The following CARF variants were observed in gnomAD, a reference collection of about 807,000 sequenced individuals.
CARF encodes calcium responsive transcription factor, also known as calcium-responsive transcription factor.
CARF carries 57 observed loss-of-function variants against 82.0 expected under a neutral mutation model. That is an observed-to-expected ratio of 0.70 (90% CI 0.56 to 0.87). CARF has a LOEUF of 0.87. CARF is among the 40% of genes least tolerant of loss of function. CARF has a pLI of 0.00. For synonymous variants in CARF, 268 were observed against 290.1 expected (o/e 0.92, Z 0.77); for missense variants, 771 against 855.8 (o/e 0.90, Z 1.24).
intron 9 of CARF, among the ~76,000 whole-genome samples, chr2:202,965,720 A>G (rs922344357): frequency 4.6e-5 from 7 of 152,140 alleles, no homozygotes; most frequent in African/African-American, 1.7e-4. Context: ...TAACATTTGT[A>G]TTAGTAATTG....
At chr2:202,962,112 A>C (rs1398337559) in intron 9 of CARF, 1 of 152,236 alleles carries the variant, frequency 6.6e-6, no homozygotes, top group Non-Finnish European at 1.5e-5. Context: ...AAGATGAGAT[A>C]AATGTAACCA....
intron 5 of CARF, among the ~76,000 whole-genome samples, chr2:202,943,717 G>A (rs982882881): frequency 4.7e-5 from 7 of 150,382 alleles, no homozygotes; most frequent in Non-Finnish European, 7.4e-5. Flanking sequence ...GCCCGATCTC[G>A]GCTCACTGCA....
intron 5 of CARF, among the ~76,000 whole-genome samples, chr2:202,945,241 G>C (rs987233027): frequency 6.6e-6 from 1 of 152,116 alleles, no homozygotes; most frequent in South Asian, 2.1e-4. Context: ...GTACCTGCAC[G>C]TGCTACAGTA....
chr2:202,949,519 ATT>A (rs2058660535), intron 5 of CARF, among the ~76,000 whole-genome samples: 1 of 61,198 alleles, frequency 1.6e-5, no homozygotes, highest in African/African-American at 8.1e-5. Context: ...TTATTTATTT[ATT>A]ATTATTATTA....
chr2:202,936,427 C>G (rs908910327), intron 3 of CARF, among the ~76,000 whole-genome samples: 1 of 152,128 alleles, frequency 6.6e-6, no homozygotes, highest in Admixed American at 6.6e-5. Flanking sequence ...CCCATTAGTC[C>G]ATTATACCTT....
Position 202,987,157 on chromosome 2 carries a change from A to T in CARF, c.*3533A>T, listed in dbSNP as rs2060477638. The T allele has an allele frequency of 6.6e-6, 1 of 151,692 alleles. No homozygotes were observed. Among genetic ancestry groups the T allele is most frequent in the African/African-American group, 2.4e-5 (1 of 41,322 alleles). 9.4% of individuals were successfully genotyped at this position (151,692 alleles called of 1,614,324 possible). A position where few individuals can be genotyped will look rare whatever the true frequency, so the allele number is the denominator to read the frequency against. On this transcript the variant is annotated 3_prime_UTR_variant, in exon 17 of 17. Transcript: ENST00000438828. The stretch of plus-strand genomic sequence containing the variant: ...TGTTAGCATTACATTTTGGGGAGAC[A>T]TATATGCATTTAATACCCTGCAACT...
At chr2:202,940,523 T>A (rs568759233) in intron 3 of CARF, among the ~76,000 whole-genome samples, 122 of 152,256 alleles carry the variant, frequency 8.0e-4, no homozygotes, top group Non-Finnish European at 1.6e-3. Flanking sequence ...ATTCTTTGAT[T>A]GTTAGCTTAT....
chr2:202,950,607 G>C (rs1038206742), intron 5 of CARF, among the ~76,000 whole-genome samples: 1 of 152,120 alleles, frequency 6.6e-6, no homozygotes, highest in Admixed American at 6.6e-5. Flanking sequence ...GTACAGAGTG[G>C]TAGTTTGAAG....
At chr2:202,953,501 T>TG (rs2058866968) in intron 6 of CARF, among the ~76,000 whole-genome samples, 1 of 140,948 alleles carries the variant, frequency 7.1e-6, no homozygotes. Flanking sequence ...TTTTGTTGTT[T>TG]TTTTTTTTTT....
intron 3 of CARF, among the ~76,000 whole-genome samples, chr2:202,940,215 G>T (rs981495894): frequency 1.3e-5 from 2 of 151,660 alleles, no homozygotes; most frequent in Non-Finnish European, 2.9e-5. Flanking sequence ...TGTATTTTTA[G>T]TAGAGACAGG....
In CARF at chr2:202,963,011, C is replaced by A. The variant is rs1437399870; in HGVS notation, c.832+1585C>A. On this transcript the variant is annotated intron_variant, in intron 9 of 16. Coordinates refer to ENST00000438828, the MANE Select transcript of CARF (RefSeq NM_024744.17). The stretch of plus-strand genomic sequence containing the variant: ...GTGAATTATGCCCATTTCATCTTTA[C>A]AAGATTATCTTAAAATTGCTCTCAA... The A allele has an allele frequency of 2.0e-5, 3 of 152,182 alleles. No individual in the cohort carries two copies. In the East Asian group the frequency reaches 5.8e-4, roughly 29 times the overall value. The allele number at this position is 152,182 out of a possible 1,614,324, so 9.4% of individuals were successfully genotyped here.
chr2:202,955,744 C>T lies in CARF; in HGVS notation c.628C>T (p.Leu210Phe), dbSNP rs1372862669. 1 of 1,610,606 alleles carries T rather than the reference C, an allele frequency of 6.2e-7. No homozygotes were observed. Among genetic ancestry groups the T allele is most frequent in the Non-Finnish European group, 8.5e-7 (1 of 1,177,964 alleles). Residue 210 changes from leucine (L) to phenylalanine (F), a missense_variant, in exon 8 of 17, where the codon CTT becomes TTT. Physicochemically the swap from Leu to Phe is conservative, Grantham distance 22. Coordinates refer to ENST00000438828, the MANE Select transcript of CARF (RefSeq NM_024744.17). ...SSNTPIWACR[L>F]RSCEKIGDSY... ...TAATACACCTATATGGGCCTGCCGT[C>T]TTAGGAGCTGTGAGGTGAGTTATAA...
At chr2:202,953,072 A>AT (rs1286107256) in intron 6 of CARF, among the ~76,000 whole-genome samples, 3 of 152,184 alleles carry the variant, frequency 2.0e-5, no homozygotes, top group South Asian at 2.1e-4. Flanking sequence ...GCTGGAGTAC[A>AT]TTGGTGGCAT....
In CARF at chr2:202,970,067, G is replaced by A. The variant is rs1381257852; in HGVS notation, c.1097+5G>A. On this transcript the variant is annotated splice_donor_5th_base_variant and intron_variant, in intron 11 of 16. Transcript: ENST00000438828. ...AGATGCTGGTGGTGTTCTTAGGTAT[G>A]ACATTTTTATAGTTCTTTTATTTTA... The A allele has an allele frequency of 6.4e-7, 1 of 1,552,794 alleles. No individual in the cohort carries two copies. The highest frequency in any genetic ancestry group is 8.6e-7 in the Non-Finnish European group (1 of 1,161,006).
chr2:202,953,498 G>GTTTTTCTTTTTTTTTTTTTTTT (rs2058859268), intron 6 of CARF, among the ~76,000 whole-genome samples: 1 of 70,294 alleles, frequency 1.4e-5, no homozygotes, highest in Non-Finnish European at 2.5e-5. Context: ...TTTTTTTGTT[G>GTTTTTCTTTTTTTTTTTTTTTT]TTTTTTTTTT....
rs1186537845 is a variant in CARF at position 202,988,166 on chromosome 2, G to T, written c.*4542G>T. On this transcript the variant is annotated 3_prime_UTR_variant, in exon 17 of 17. Coordinates refer to ENST00000438828, the MANE Select transcript of CARF (RefSeq NM_024744.17). ...CATTTATCTGCTGCTGAGTAGAACT[G>T]CATTTTATGAATATATCAATTTGTT... Among the ~76,000 whole-genome samples, 2 of 152,148 alleles carry T rather than the reference G, an allele frequency of 1.3e-5. No homozygotes were observed. The highest frequency in any genetic ancestry group is 1.3e-4 in the Admixed American group (2 of 15,278).
intron 5 of CARF, 25 bp from the exon 6 acceptor site, chr2:202,952,534 A>G (rs780336499): frequency 3.1e-6 from 4 of 1,302,864 alleles, no homozygotes; most frequent in Non-Finnish European, 2.1e-6. Context: ...TATGCATTTG[A>G]TTTTTTTTTT....
chr2:202,925,687 T>TGCC (rs1691667938), intron 3 of CARF: 1 of 198,064 alleles, frequency 5.0e-6, no homozygotes, highest in Admixed American at 5.8e-5. Context: ...AGCTGGCCAT[T>TGCC]AAGGATGCCA....
In CARF at chr2:202,982,261, A is replaced by G. The variant is rs370284822; in HGVS notation, c.1879A>G (p.Ser627Gly). 3 of 1,614,070 alleles carry G rather than the reference A, an allele frequency of 1.9e-6. No individual in the cohort carries two copies. Among genetic ancestry groups the G allele is most frequent in the African/African-American group, 1.3e-5 (1 of 74,954 alleles). ...AGATACATGCTTAACCCAAAACAAT[A>G]GTACTGCCTCCACCATGGGTAACCT... ...QRDTCLTQNNSTASTMGNLPE... is the reference protein window; with the variant it reads ...QRDTCLTQNNGTASTMGNLPE... Residue 627 changes from serine (S) to glycine (G), a missense_variant, in exon 16 of 17, where the codon AGT (serine) becomes GGT (glycine). Coordinates refer to ENST00000438828, the MANE Select transcript of CARF (RefSeq NM_024744.17).
Sources: allele counts gnomAD v4.1 joint callset (sites outside exome capture counted in the v4.1 genomes callset), GRCh38; gene constraint gnomAD v4.1.1; transcripts MANE v1.5; gene names NCBI Gene and HGNC (gene_info 2026-07-23, HGNC 2026-07-21).